Variants in POLH observed in about 807,000 individuals in gnomAD.
POLH encodes DNA polymerase eta transcript.
Under a neutral mutation model 73.6 loss-of-function variants are expected in POLH, and 53 were observed. The observed-to-expected ratio is 0.72, with a 90% CI of 0.58 to 0.91. The LOEUF (loss-of-function observed/expected upper bound fraction) is 0.91, where lower values mean the gene tolerates loss of function less well. POLH is among the 40% of genes least tolerant of loss of function. The pLI, the probability that POLH is intolerant of heterozygous loss-of-function variation, is 0.00. For missense variants in POLH, 768 were observed against 865.4 expected (o/e 0.89, Z 1.41); for synonymous variants, 292 against 308.5 (o/e 0.95, Z 0.56).
At chr6:43,591,651 T>TG (rs1331906233) in intron 4 of POLH, among the ~76,000 whole-genome samples, 1 of 151,810 alleles carries the variant, frequency 6.6e-6, no homozygotes, top group East Asian at 1.9e-4. Context: ...TATTTGGAAT[T>TG]GGTTTTATAA....
chr6:43,589,416 G>A (rs1301231491), intron 4 of POLH, among the ~76,000 whole-genome samples: 1 of 152,014 alleles, frequency 6.6e-6, no homozygotes, highest in Non-Finnish European at 1.5e-5. Flanking sequence ...AAAAATATTT[G>A]CCAATATAAT....
chr6:43,617,428 C>T lies in POLH; in HGVS notation c.*2871C>T, dbSNP rs1768421264. ...ATCACTTGAGGCTGGGAGTTTGAGA[C>T]CAGGCTGGCCAACATGGGGAAAACC... On this transcript the variant is annotated 3_prime_UTR_variant, in exon 11 of 11. Coordinates refer to ENST00000372236, the MANE Select transcript of POLH (RefSeq NM_006502.3). Among the ~76,000 whole-genome samples, 1 of 151,354 alleles carries T rather than the reference C, an allele frequency of 6.6e-6. No homozygotes were observed. Among genetic ancestry groups the T allele is most frequent in the Admixed American group, 6.6e-5 (1 of 15,158 alleles).
chr6:43,583,184 A>T, intron 3 of POLH, 43 bp downstream of exon 3: 1 of 1,568,332 alleles, frequency 6.4e-7, no homozygotes, highest in Non-Finnish European at 8.8e-7. Flanking sequence ...AGGAGTCGAA[A>T]ATAATACTCC....
rs61756402 is a variant in POLH at position 43,614,422 on chromosome 6, A to G, written c.2007A>G (p.Ser669=). ...AATCCTTTTTGCAGCCCCACTCTTC[A>G]AACCCCCAGGTTGTTTCTGCCGTAT... is the stretch of plus-strand genomic sequence containing the variant. ...LQKSFLQPHS[S]NPQVVSAVSH... The change falls in exon 11 of 11, where the codon TCA becomes TCG. Residue 669 remains serine (S), a synonymous_variant. Coordinates refer to ENST00000372236, the MANE Select transcript of POLH (RefSeq NM_006502.3). 290 of 1,614,056 alleles carry G rather than the reference A, an allele frequency of 1.8e-4. No individual in the cohort carries two copies. The highest frequency in any genetic ancestry group is 2.2e-4 in the Non-Finnish European group (262 of 1,180,032).
At position 43,613,728 on chromosome 6, in the gene POLH, C is replaced by T. The variant is rs761384448; in HGVS notation, c.1313C>T (p.Thr438Ile). 7 of 1,613,658 alleles carry T rather than the reference C, an allele frequency of 4.3e-6. No individual in the cohort carries two copies. The highest frequency in any genetic ancestry group is 5.9e-6 in the Non-Finnish European group (7 of 1,179,882). Residue 438 changes from threonine to isoleucine, a missense_variant, in exon 11 of 11, where the codon ACA (threonine) becomes ATA (isoleucine). Thr to Ile is a moderately conservative substitution (Grantham distance 89). Coordinates refer to ENST00000372236, the MANE Select transcript of POLH (RefSeq NM_006502.3). Reference protein sequence around the residue: ...KFSASAPSSSTDITSFLSSDP... With the variant: ...KFSASAPSSSIDITSFLSSDP... Reference sequence around the variant, plus strand: ...TCTGCCTCTGCCCCTTCATCTTCTACAGACATCACCAGCTTCTTGAGCAGT... The same window carrying T: ...TCTGCCTCTGCCCCTTCATCTTCTATAGACATCACCAGCTTCTTGAGCAGT...
At chr6:43,605,392 C>T in intron 9 of POLH, 73 bp downstream of exon 9, 2 of 766,402 alleles carry the variant, frequency 2.6e-6, no homozygotes, top group East Asian at 2.6e-5. Context: ...CCTTATGGAG[C>T]AGGAACAAAG....
Position 43,610,573 on chromosome 6 carries a change from A to G in POLH, c.1094A>G (p.Gln365Arg), listed in dbSNP as rs1233330335. 1 of 1,614,082 alleles carries G rather than the reference A, an allele frequency of 6.2e-7. No individual in the cohort carries two copies. Among genetic ancestry groups the G allele is most frequent in the Admixed American group, 1.7e-5 (1 of 60,004 alleles). The change falls in exon 10 of 11, where the codon CAG becomes CGG. Residue 365 changes from glutamine to arginine, a missense_variant. Coordinates refer to ENST00000372236, the MANE Select transcript of POLH (RefSeq NM_006502.3). ...CCACAGAATGACAGGGTAGCCACCC[A>G]GCTGGTTGTGAGCATTCGTGTACAA... is the stretch of plus-strand genomic sequence containing the variant. ...DRNDNDRVAT[Q>R]LVVSIRVQGD...
At chr6:43,579,770 A>C (rs991084865) in intron 1 of POLH, among the ~76,000 whole-genome samples, 4 of 152,208 alleles carry the variant, frequency 2.6e-5, no homozygotes, top group Non-Finnish European at 1.5e-5. Context: ...AGATAATGTC[A>C]GACTCGAATT....
chr6:43,582,175 A>G (rs1764354351), intron 1 of POLH, 141 bp from the exon 2 acceptor site: 1 of 801,966 alleles, frequency 1.2e-6, no homozygotes, highest in African/African-American at 1.7e-5. Context: ...CAACCTGTAT[A>G]TTTAAATGCC....
intron 1 of POLH, among the ~76,000 whole-genome samples, chr6:43,580,946 C>CG (rs1764086762): frequency 1.4e-5 from 2 of 146,386 alleles, no homozygotes; most frequent in Non-Finnish European, 3.0e-5. Flanking sequence ...GGGGGCTGAC[C>CG]CCCCCACCTC....
Position 43,578,390 on chromosome 6 carries a change from AAACAAC to A in POLH, c.-5+1962_-5+1967del, listed in dbSNP as rs370122518. ...CAACGAGAACGAAACTCTAACTCAA[AAACAAC>A]AACAACAACAAAAAACTCATGCCCA... is the stretch of plus-strand genomic sequence containing the variant. On this transcript the variant is annotated intron_variant, in intron 1 of 10. Transcript: ENST00000372236. 239 of 436,824 alleles carry A rather than the reference AAACAAC, an allele frequency of 5.5e-4. 2 individuals are homozygous for A. The highest frequency in any genetic ancestry group is 4.1e-3 in the African/African-American group (199 of 48,702). 27.1% of individuals were successfully genotyped at this position (436,824 alleles called of 1,614,324 possible). A position where few individuals can be genotyped will look rare whatever the true frequency, so the allele number is the denominator to read the frequency against.
intron 1 of POLH, chr6:43,578,435 C>T (rs1003221587): frequency 4.5e-6 from 2 of 444,626 alleles, no homozygotes; most frequent in Non-Finnish European, 4.5e-6. Flanking sequence ...CATACCCATA[C>T]CAATTAAGTT....
At chr6:43,592,443 G>A (rs1223771658) in intron 4 of POLH, among the ~76,000 whole-genome samples, 1 of 131,314 alleles carries the variant, frequency 7.6e-6, no homozygotes, top group Non-Finnish European at 1.5e-5. Context: ...TCTCTTTCTC[G>A]CTCTGTCGCC....
At chr6:43,605,434 G>A (rs1767164983) in intron 9 of POLH, 115 bp downstream of exon 9, 9 of 473,720 alleles carry the variant, frequency 1.9e-5, no homozygotes, top group Admixed American at 7.2e-5. Flanking sequence ...GGAAATATCC[G>A]TTTTCTTTCT....
chr6:43,609,310 A>C (rs1767637307), intron 9 of POLH, among the ~76,000 whole-genome samples: 1 of 152,222 alleles, frequency 6.6e-6, no homozygotes, highest in Non-Finnish European at 1.5e-5. Context: ...CTAGGCATGC[A>C]GTTATAGTTG....
rs1164626668 is a variant in POLH at position 43,618,694 on chromosome 6, G to A, written c.*4137G>A. On this transcript the variant is annotated 3_prime_UTR_variant, in exon 11 of 11. Coordinates refer to ENST00000372236, the MANE Select transcript of POLH (RefSeq NM_006502.3). The stretch of plus-strand genomic sequence containing the variant: ...CGCCCCGGCTGGAATGCAATGGCAC[G>A]ATCTCGGCTCACTGCAACCTCCGCC... 1.3e-5 allele frequency among the ~76,000 whole-genome samples: 2 copies of A among 151,224 alleles called. No homozygotes were observed. Among genetic ancestry groups the A allele is most frequent in the African/African-American group, 4.9e-5 (2 of 41,108 alleles).
rs372836415 is a variant in POLH at position 43,616,205 on chromosome 6, G to A, written c.*1648G>A. 6.6e-6 allele frequency among the ~76,000 whole-genome samples: 1 copy of A among 151,264 alleles called. No individual in the cohort carries two copies. The highest frequency in any genetic ancestry group is 6.6e-5 in the Admixed American group (1 of 15,180). On this transcript the variant is annotated 3_prime_UTR_variant, in exon 11 of 11. Transcript: ENST00000372236. ...TGAGGCAGGAGAATGGTGTGAACCC[G>A]GGAGGCGGAGCTTGCAGTGAGCCGA...
In POLH at chr6:43,587,466, C is replaced by T. The variant is rs139742736; in HGVS notation, c.467C>T (p.Thr156Met). Residue 156 changes from threonine to methionine, a missense_variant, in exon 4 of 11, where the codon ACG becomes ATG. By Grantham distance (81) the Thr-to-Met change is moderately conservative. Coordinates refer to ENST00000372236, the MANE Select transcript of POLH (RefSeq NM_006502.3). ...GAAGGGTTGCCCCAAGGCCCTACAA[C>T]GGCAGAAGAGACTGTTCAGAAAGGT... The part of the protein sequence containing the change: ...YIEGLPQGPT[T>M]AEETVQKEGM... 130 of 1,613,438 alleles carry T rather than the reference C, an allele frequency of 8.1e-5. No homozygotes were observed. The East Asian group carries it at 1.0e-3, about 13-fold the overall frequency.
At chr6:43,582,950 T>C in intron 2 of POLH, 57 bp from the exon 3 acceptor site, 1 of 1,446,252 alleles carries the variant, frequency 6.9e-7, no homozygotes. Flanking sequence ...AAATGTTACT[T>C]GTTTTTGCTT....
Sources: allele counts gnomAD v4.1 joint callset (sites outside exome capture counted in the v4.1 genomes callset), GRCh38; gene constraint gnomAD v4.1.1; transcripts MANE v1.5; gene names NCBI Gene and HGNC (gene_info 2026-07-23, HGNC 2026-07-21).